The following TRIM71 variants were observed in gnomAD, a reference collection of about 807,000 sequenced individuals.
TRIM71 encodes the protein E3 ubiquitin-protein ligase TRIM71.
Under a neutral mutation model 61.2 loss-of-function variants are expected in TRIM71, and 9 were observed. That is an observed-to-expected ratio of 0.15 (90% confidence interval 0.09 to 0.26). The LOEUF is 0.26. TRIM71 is among the 10% of genes least tolerant of loss of function. The pLI, the probability that TRIM71 is intolerant of heterozygous loss-of-function variation, is 1.00. For synonymous variants in TRIM71, 645 were observed against 553.2 expected (o/e 1.17, Z -2.33); for missense variants, 998 against 1,238.7 (o/e 0.81, Z 2.92).
chr3:32,879,226 GA>G lies in TRIM71; in HGVS notation c.1020+5242del, dbSNP rs2125690450. 1.3e-5 allele frequency among the ~76,000 whole-genome samples: 2 copies of G among 152,320 alleles called. 1 individual carries two copies. Among genetic ancestry groups the G allele is most frequent in the African/African-American group, 4.8e-5 (2 of 41,570 alleles). ...CTTAAGGAGATGTTATGGCTGGTTT[GA>G]TCTTTTCTCCAGATCATTAAACTTT... On this transcript the variant is annotated intron_variant, in intron 2 of 3. Coordinates refer to ENST00000383763, the MANE Select transcript of TRIM71 (RefSeq NM_001039111.3).
chr3:32,855,454 A>C (rs1362682798), intron 1 of TRIM71, among the ~76,000 whole-genome samples: 1 of 152,124 alleles, frequency 6.6e-6, no homozygotes, highest in Non-Finnish European at 1.5e-5. Context: ...AGTGACCCCC[A>C]GGAGTGAAGT....
At chr3:32,870,965 G>C (rs773585381) in intron 1 of TRIM71, among the ~76,000 whole-genome samples, 3 of 142,008 alleles carry the variant, frequency 2.1e-5, no homozygotes, top group African/African-American at 3.0e-5. Flanking sequence ...ACCACGCCCA[G>C]CAATTTTTTT....
chr3:32,888,731 G>A (rs751028140), intron 3 of TRIM71, among the ~76,000 whole-genome samples: 1 of 152,120 alleles, frequency 6.6e-6, no homozygotes, highest in African/African-American at 2.4e-5. Flanking sequence ...GTACAGAGAA[G>A]GTCTCACTAT....
chr3:32,824,077 AAG>A (rs1285401852), intron 1 of TRIM71, among the ~76,000 whole-genome samples: 1 of 152,230 alleles, frequency 6.6e-6, no homozygotes, highest in Non-Finnish European at 1.5e-5. Flanking sequence ...GTCTCAAAAA[AAG>A]AAAAAAAAAA....
At chr3:32,846,888 A>G (rs1284237395) in intron 1 of TRIM71, among the ~76,000 whole-genome samples, 1 of 152,198 alleles carries the variant, frequency 6.6e-6, no homozygotes, top group Non-Finnish European at 1.5e-5. Context: ...AAGGCTGAAT[A>G]GTATTCACCC....
chr3:32,872,002 G>A (rs112939399), intron 1 of TRIM71, among the ~76,000 whole-genome samples: 1,992 of 152,208 alleles, frequency 0.013, 20 homozygotes, highest in Non-Finnish European at 0.019. Flanking sequence ...AAATTAGTTG[G>A]GCGTGGTGGC....
chr3:32,859,894 G>T (rs72852811), intron 1 of TRIM71, among the ~76,000 whole-genome samples: 1 of 151,942 alleles, frequency 6.6e-6, no homozygotes, highest in Admixed American at 6.6e-5. Context: ...ATCTTTTTGC[G>T]GTGGGTGGGT....
At chr3:32,859,110 C>T (rs968890900) in intron 1 of TRIM71, among the ~76,000 whole-genome samples, 5 of 152,034 alleles carry the variant, frequency 3.3e-5, no homozygotes, top group Admixed American at 3.3e-4. Context: ...CAAGTTCTGT[C>T]GAACAGCACG....
Position 32,895,255 on chromosome 3 carries a change from CAA to C in TRIM71, c.*3445_*3446del, listed in dbSNP as rs1314697158. ...TTGTACCCCAAGTGCACTAACTCCT[CAA>C]TGCCCTTTTAAGTCTAACTTATTTG... is the stretch of plus-strand genomic sequence containing the variant. On this transcript the variant is annotated 3_prime_UTR_variant, in exon 4 of 4. Transcript: ENST00000383763. 2 of 152,212 alleles carry C rather than the reference CAA, an allele frequency of 1.3e-5. No individual in the cohort carries two copies. The highest frequency in any genetic ancestry group is 1.5e-5 in the Non-Finnish European group (1 of 68,044). The allele number at this position is 152,212 out of a possible 1,614,324, so 9.4% of individuals were successfully genotyped here. A position where few individuals can be genotyped will look rare whatever the true frequency, so the allele number is the denominator to read the frequency against.
intron 1 of TRIM71, among the ~76,000 whole-genome samples, chr3:32,870,284 A>T (rs1161195835): frequency 6.6e-6 from 1 of 152,160 alleles, no homozygotes. Context: ...GCATTCTTTT[A>T]AAAATTCATT....
At chr3:32,867,175 C>T (rs942518081) in intron 1 of TRIM71, among the ~76,000 whole-genome samples, 16 of 151,808 alleles carry the variant, frequency 1.1e-4, no homozygotes, top group Middle Eastern at 3.2e-3. Flanking sequence ...TTTACCACCC[C>T]CCTCCCCCTC....
At chr3:32,820,462 G>T (rs1454974279) in intron 1 of TRIM71, among the ~76,000 whole-genome samples, 1 of 152,122 alleles carries the variant, frequency 6.6e-6, no homozygotes, top group Admixed American at 6.5e-5. Flanking sequence ...TATACTGTGG[G>T]TTCATGTTCT....
At chr3:32,842,600 G>A (rs1038506045) in intron 1 of TRIM71, among the ~76,000 whole-genome samples, 2 of 152,218 alleles carry the variant, frequency 1.3e-5, no homozygotes, top group African/African-American at 2.4e-5. Context: ...GCCAAGGGGC[G>A]GGTGCAGAGT....
At chr3:32,873,309 A>G (rs1243603141) in intron 1 of TRIM71, among the ~76,000 whole-genome samples, 1 of 152,164 alleles carries the variant, frequency 6.6e-6, no homozygotes, top group Non-Finnish European at 1.5e-5. Context: ...TGCACTTTGC[A>G]TTACTACCTG....
intron 1 of TRIM71, among the ~76,000 whole-genome samples, chr3:32,865,346 G>A (rs1431418599): frequency 6.6e-6 from 1 of 151,870 alleles, no homozygotes; most frequent in African/African-American, 2.4e-5. Context: ...CAAAAAACAA[G>A]CAAACAAAAA....
chr3:32,851,411 C>G (rs1696536908), intron 1 of TRIM71, among the ~76,000 whole-genome samples: 1 of 152,230 alleles, frequency 6.6e-6, no homozygotes, highest in Non-Finnish European at 1.5e-5. Context: ...TCTTTGAAGA[C>G]TTAGCGTTGT....
intron 2 of TRIM71, 112 bp from the exon 3 acceptor site, chr3:32,885,822 C>G: frequency 1.4e-6 from 2 of 1,456,492 alleles, no homozygotes; most frequent in Non-Finnish European, 1.8e-6. Context: ...ATCAAGTGGT[C>G]TGGGAACCCA....
chr3:32,863,397 T>C (rs570245808), intron 1 of TRIM71, among the ~76,000 whole-genome samples: 9 of 152,006 alleles, frequency 5.9e-5, no homozygotes, highest in Admixed American at 1.3e-4. Context: ...ACAGGGTCTT[T>C]GTTGGCCGGG....
chr3:32,865,818 T>TCCCCCCCCCC, intron 1 of TRIM71, among the ~76,000 whole-genome samples: 1 of 4,282 alleles, frequency 2.3e-4, no homozygotes, highest in Non-Finnish European at 5.4e-4. Flanking sequence ...GCCCCACCTT[T>TCCCCCCCCCC]TTTTTTTTTT....
Sources: allele counts gnomAD v4.1 joint callset (sites outside exome capture counted in the v4.1 genomes callset), GRCh38; gene constraint gnomAD v4.1.1; transcripts MANE v1.5; gene names NCBI Gene and HGNC (gene_info 2026-07-23, HGNC 2026-07-21).